Variants in PCED1B observed in about 807,000 individuals in gnomAD.
PCED1B encodes PC-esterase domain-containing protein 1B.
For synonymous variants in PCED1B, 251 were observed against 246.1 expected, an observed-to-expected ratio of 1.02 and a Z score of -0.19; for missense variants, 573 against 573.9, an observed-to-expected ratio of 1.00 and a Z score of 0.02.
intron 2 of PCED1B, among the ~76,000 whole-genome samples, chr12:47,117,227 T>C (rs1592159335): frequency 6.6e-6 from 1 of 152,234 alleles, no homozygotes; most frequent in Non-Finnish European, 1.5e-5. Flanking sequence ...CTTTAAGTTC[T>C]AGGGTACATG....
chr12:47,185,821 T>C (rs1942241175), intron 2 of PCED1B, among the ~76,000 whole-genome samples: 1 of 151,130 alleles, frequency 6.6e-6, no homozygotes, highest in Non-Finnish European at 1.5e-5. Context: ...TATATTAGAC[T>C]GACAAAAGAC....
intron 2 of PCED1B, among the ~76,000 whole-genome samples, chr12:47,173,997 G>T (rs1941837701): frequency 6.6e-6 from 1 of 152,078 alleles, no homozygotes; most frequent in Admixed American, 6.5e-5. Context: ...TGTTAGGGAG[G>T]GGCCAGGCAT....
Position 47,219,084 on chromosome 12 carries a change from C to T in PCED1B, c.-58+2395C>T, listed in dbSNP as rs151116072. On this transcript the variant is annotated intron_variant, in intron 3 of 3. Transcript: ENST00000546455. ...TTAGCCCATGAGACAGGGGATGTAG[C>T]GAGCCAAGATTGCACCACTGCACTC... Among the ~76,000 whole-genome samples, 5 of 152,030 alleles carry T rather than the reference C, an allele frequency of 3.3e-5. No homozygotes were observed. In the East Asian group the frequency reaches 9.7e-4, roughly 30 times the overall value.
At chr12:47,096,406 TTATA>T (rs1236238875) in intron 1 of PCED1B, among the ~76,000 whole-genome samples, 1 of 150,768 alleles carries the variant, frequency 6.6e-6, no homozygotes, top group Non-Finnish European at 1.5e-5. Flanking sequence ...TTTATCTTCT[TTATA>T]TATAATACAC....
chr12:47,165,914 G>C (rs1261557844), intron 2 of PCED1B, among the ~76,000 whole-genome samples: 1 of 152,120 alleles, frequency 6.6e-6, no homozygotes, highest in Admixed American at 6.5e-5. Flanking sequence ...TATGTCAACA[G>C]CTATAATATT....
chr12:47,236,113 G>A lies in PCED1B; in HGVS notation c.1050G>A (p.Ser350=), dbSNP rs773965399. Residue 350 remains serine, a synonymous_variant, in exon 4 of 4, where the codon TCG becomes TCA. Transcript: ENST00000546455. ...ACFSSDHTFQ[S]DQFYCHSDVP... ...TTTCCTCAGACCATACTTTCCAGTC[G>A]GATCAATTCTATTGCCATTCAGATG... 6.8e-6 allele frequency: 11 copies of A among 1,613,920 alleles called. No homozygotes were observed. Among genetic ancestry groups the A allele is most frequent in the Non-Finnish European group, 9.3e-6 (11 of 1,180,026 alleles).
At chr12:47,203,067 T>G (rs1302489690) in intron 2 of PCED1B, among the ~76,000 whole-genome samples, 3 of 151,878 alleles carry the variant, frequency 2.0e-5, no homozygotes, top group Non-Finnish European at 4.4e-5. Flanking sequence ...TCTCTTAGAT[T>G]CAAAAGATTC....
At chr12:47,111,761 T>G (rs199679064) in intron 2 of PCED1B, among the ~76,000 whole-genome samples, 2 of 152,246 alleles carry the variant, frequency 1.3e-5, no homozygotes, top group Admixed American at 6.5e-5. Context: ...CAATAAATAC[T>G]TCCAAGTGTC....
chr12:47,090,697 A>G (rs1938225795), intron 1 of PCED1B, among the ~76,000 whole-genome samples: 1 of 152,086 alleles, frequency 6.6e-6, no homozygotes, highest in Admixed American at 6.5e-5. Flanking sequence ...TAAATGGAAT[A>G]TATGCTTTTT....
Position 47,098,480 on chromosome 12 carries a change from T to C in PCED1B, c.-608-5633T>C, listed in dbSNP as rs116680080. The stretch of plus-strand genomic sequence containing the variant: ...AGGGAATTAATAACAATATTATTTA[T>C]TAATTTATTTATTTTATTTATGTTT... On this transcript the variant is annotated intron_variant, in intron 1 of 3. Transcript: ENST00000546455. 5.1e-3 allele frequency among the ~76,000 whole-genome samples: 776 copies of C among 152,276 alleles called. 6 individuals carry two copies. The highest frequency in any genetic ancestry group is 0.017 in the African/African-American group (692 of 41,544).
At chr12:47,187,934 C>A (rs1272879308) in intron 2 of PCED1B, 3 of 154,130 alleles carry the variant, frequency 1.9e-5, no homozygotes. Context: ...TGTCCTTTAT[C>A]CTACCAGCTC....
chr12:47,088,506 A>G (rs1424202256), intron 1 of PCED1B, among the ~76,000 whole-genome samples: 1 of 152,206 alleles, frequency 6.6e-6, no homozygotes, highest in East Asian at 1.9e-4. Flanking sequence ...AGTGACCTTT[A>G]GTAGAGAGTG....
At chr12:47,157,820 T>A (rs997080784) in intron 2 of PCED1B, among the ~76,000 whole-genome samples, 1 of 152,198 alleles carries the variant, frequency 6.6e-6, no homozygotes, top group Non-Finnish European at 1.5e-5. Context: ...CTTCTGCTAG[T>A]TCCTGACAAC....
chr12:47,208,986 G>T (rs564121191), intron 2 of PCED1B: 2 of 152,236 alleles, frequency 1.3e-5, no homozygotes, highest in East Asian at 3.9e-4. Flanking sequence ...CAAATGCCCT[G>T]CTTGACTTTG....
intron 2 of PCED1B, among the ~76,000 whole-genome samples, chr12:47,200,196 A>AAAAAAAAAAAGAT (rs1942722475): frequency 6.9e-6 from 1 of 143,988 alleles, no homozygotes; most frequent in Middle Eastern, 3.5e-3. Context: ...TCTTGCCTCA[A>AAAAAAAAAAAGAT]AAAAAAAAAA....
At chr12:47,080,164 G>T (rs1941957308) in intron 1 of PCED1B, among the ~76,000 whole-genome samples, 1 of 152,120 alleles carries the variant, frequency 6.6e-6, no homozygotes, top group South Asian at 2.1e-4. Flanking sequence ...CAGAGGCCCA[G>T]ACTCTGGTCC....
intron 3 of PCED1B, among the ~76,000 whole-genome samples, chr12:47,231,797 G>T (rs1943816071): frequency 6.6e-6 from 1 of 152,180 alleles, no homozygotes. Flanking sequence ...ACAGGGGAAG[G>T]TGTATTAGGG....
At chr12:47,172,737 A>G (rs558795597) in intron 2 of PCED1B, among the ~76,000 whole-genome samples, 6 of 152,318 alleles carry the variant, frequency 3.9e-5, no homozygotes, top group African/African-American at 1.4e-4. Context: ...TCATATGTGT[A>G]AAAGATAAGA....
intron 2 of PCED1B, among the ~76,000 whole-genome samples, chr12:47,153,602 G>GA (rs958223028): frequency 2.0e-5 from 3 of 151,990 alleles, no homozygotes; most frequent in Non-Finnish European, 4.4e-5. Flanking sequence ...ACAGAAAGAG[G>GA]AAAAAAATTA....
Sources: allele counts gnomAD v4.1 joint callset (sites outside exome capture counted in the v4.1 genomes callset), GRCh38; gene constraint gnomAD v4.1.1; transcripts MANE v1.5; gene names NCBI Gene and HGNC (gene_info 2026-07-23, HGNC 2026-07-21).